WIPF3: variants seen among roughly 807,000 people sequenced by gnomAD.
WIPF3 encodes WAS/WASL-interacting protein family member 3.
In WIPF3, 33 loss-of-function variants were observed where a neutral mutation model predicts 38.9. The ratio of observed to expected loss-of-function variants is 0.85; its 90% CI spans 0.64 to 1.14. The LOEUF (loss-of-function observed/expected upper bound fraction) is 1.14. Ranked by LOEUF, WIPF3 falls within the 50% of genes most tolerant of loss-of-function variation. WIPF3 has a pLI of 0.00. For missense variants in WIPF3, 711 were observed against 652.5 expected (o/e 1.09, Z -0.98); for synonymous variants, 324 against 269.3 (o/e 1.20, Z -1.99).
At chr7:29,883,203 C>G (rs1242513116) in intron 4 of WIPF3, among the ~76,000 whole-genome samples, 1 of 152,168 alleles carries the variant, frequency 6.6e-6, no homozygotes, top group Admixed American at 6.5e-5. Flanking sequence ...AAGCCAAAAC[C>G]CTTGGGAATT....
At position 29,884,193 on chromosome 7, in the gene WIPF3, G is replaced by A. The variant is rs1466059613; in HGVS notation, c.699G>A (p.Thr233=). 1.4e-5 allele frequency: 14 copies of A among 978,778 alleles called. No individual in the cohort carries two copies. Among genetic ancestry groups the A allele is most frequent in the African/African-American group, 3.4e-5 (1 of 29,330 alleles). The allele number at this position is 978,778 out of a possible 1,614,324, so 60.6% of individuals were successfully genotyped here. ...PPPPPPPPPP[T]PPPLPPASVL... is the part of the protein sequence containing the mutation. Reference sequence around the variant, plus strand: ...CTCCACCTCCGCCACCTCCCCCAACGCCACCCCCGCTGCCCCCGGCCTCGG... The same window carrying A: ...CTCCACCTCCGCCACCTCCCCCAACACCACCCCCGCTGCCCCCGGCCTCGG... The change falls in exon 5 of 9, where the codon ACG becomes ACA. Residue 233 remains threonine, a synonymous_variant. Transcript: ENST00000242140.
intron 2 of WIPF3, among the ~76,000 whole-genome samples, chr7:29,839,211 A>G (rs1369345149): frequency 6.6e-6 from 1 of 152,226 alleles, no homozygotes; most frequent in Non-Finnish European, 1.5e-5. Flanking sequence ...GTTAAACTGT[A>G]CAAAATTATT....
chr7:29,897,071 G>A (rs1786159894), intron 7 of WIPF3, among the ~76,000 whole-genome samples: 2 of 152,316 alleles, frequency 1.3e-5, no homozygotes, highest in African/African-American at 4.8e-5. Context: ...CCTCATGTAA[G>A]TGGAATTATA....
At chr7:29,888,297 GC>G in intron 6 of WIPF3, 80 bp downstream of exon 6, 1 of 1,507,286 alleles carries the variant, frequency 6.6e-7, no homozygotes, top group Non-Finnish European at 8.9e-7. Context: ...GAGTTTGCTG[GC>G]CACAGTGCTG....
At chr7:29,896,911 C>G (rs1299466853) in intron 7 of WIPF3, among the ~76,000 whole-genome samples, 2 of 152,164 alleles carry the variant, frequency 1.3e-5, no homozygotes, top group African/African-American at 2.4e-5. Flanking sequence ...TTTAGATAAA[C>G]AAGTACCTCA....
chr7:29,812,934 C>T (rs1226155004), intron 1 of WIPF3, among the ~76,000 whole-genome samples: 2 of 152,220 alleles, frequency 1.3e-5, no homozygotes, highest in South Asian at 2.1e-4. Context: ...ATTCCTAAAT[C>T]GCTATTGTCA....
At chr7:29,830,366 C>T (rs1011901119) in intron 1 of WIPF3, among the ~76,000 whole-genome samples, 1 of 151,728 alleles carries the variant, frequency 6.6e-6, no homozygotes, top group Non-Finnish European at 1.5e-5. Context: ...AAAATGGAAG[C>T]AGGGATATAA....
Position 29,817,269 on chromosome 7 carries a change from A to G in WIPF3, c.-58+10591A>G, listed in dbSNP as rs190527778. On this transcript the variant is annotated intron_variant, in intron 1 of 8. Coordinates refer to ENST00000242140, the MANE Select transcript of WIPF3 (RefSeq NM_001080529.3). Reference sequence around the variant, plus strand: ...TTACTATAATTTTTATTTTACTGTAATTTCCCCCAGTTTATAATATGACTT... The same window carrying G: ...TTACTATAATTTTTATTTTACTGTAGTTTCCCCCAGTTTATAATATGACTT... 7.3e-3 allele frequency among the ~76,000 whole-genome samples: 1,106 copies of G among 152,170 alleles called. 3 individuals are homozygous for G. Among genetic ancestry groups the G allele is most frequent in the Non-Finnish European group, 0.011 (740 of 67,978 alleles).
intron 2 of WIPF3, among the ~76,000 whole-genome samples, chr7:29,872,476 G>A (rs748955336): frequency 2.6e-5 from 4 of 152,096 alleles, no homozygotes; most frequent in Non-Finnish European, 5.9e-5. Context: ...CACAGGAGAG[G>A]AGAGGATTGG....
At chr7:29,833,896 G>C (rs888533450) in intron 1 of WIPF3, among the ~76,000 whole-genome samples, 40 of 152,138 alleles carry the variant, frequency 2.6e-4, no homozygotes, top group Non-Finnish European at 5.7e-4. Flanking sequence ...TGGGTTCTAA[G>C]ACACATGCCC....
At position 29,884,526 on chromosome 7, in the gene WIPF3, C is replaced by T; in HGVS notation, c.1032C>T (p.Ala344=). Residue 344 remains alanine (A), a synonymous_variant, in exon 5 of 9, where the codon GCC becomes GCT. Transcript: ENST00000242140. ...CACCGCAGAAGGCCGGTGCGCAGGC[C>T]TTGCCCGCCCCGCCTGCCCCTCCGG... ...QAPPQKAGAQ[A]LPAPPAPPGS... 6.3e-7 allele frequency: 1 copy of T among 1,584,652 alleles called. No individual in the cohort carries two copies. Among genetic ancestry groups the T allele is most frequent in the South Asian group, 1.2e-5 (1 of 86,664 alleles).
At chr7:29,825,210 C>A (rs186634222) in intron 1 of WIPF3, among the ~76,000 whole-genome samples, 1 of 152,240 alleles carries the variant, frequency 6.6e-6, no homozygotes, top group East Asian at 1.9e-4. Flanking sequence ...GAATAATAAA[C>A]TCCCTTTAGC....
chr7:29,811,664 G>T (rs1340698406), intron 1 of WIPF3, among the ~76,000 whole-genome samples: 1 of 152,214 alleles, frequency 6.6e-6, no homozygotes, highest in African/African-American at 2.4e-5. Context: ...ACTCACTGTT[G>T]CCATAGAGAC....
chr7:29,832,195 A>G (rs1472684742), intron 1 of WIPF3, among the ~76,000 whole-genome samples: 1 of 152,228 alleles, frequency 6.6e-6, no homozygotes, highest in African/African-American at 2.4e-5. Context: ...AATCTTTGCT[A>G]TAAATTTTTG....
chr7:29,868,640 G>A (rs974206972), intron 2 of WIPF3, among the ~76,000 whole-genome samples: 2 of 151,746 alleles, frequency 1.3e-5, no homozygotes, highest in African/African-American at 4.8e-5. Context: ...GTTCTGAAGC[G>A]TCTACATTGT....
At chr7:29,817,297 T>C (rs1784470797) in intron 1 of WIPF3, among the ~76,000 whole-genome samples, 1 of 152,192 alleles carries the variant, frequency 6.6e-6, no homozygotes, top group Non-Finnish European at 1.5e-5. Context: ...TATGACTTAT[T>C]TTAATGTAAT....
intron 2 of WIPF3, among the ~76,000 whole-genome samples, chr7:29,837,160 C>T (rs1784817662): frequency 6.6e-6 from 1 of 152,026 alleles, no homozygotes; most frequent in Non-Finnish European, 1.5e-5. Flanking sequence ...TGGAGACCAC[C>T]CTGGCTAACA....
At chr7:29,840,712 G>A (rs180778381) in intron 2 of WIPF3, among the ~76,000 whole-genome samples, 1 of 152,322 alleles carries the variant, frequency 6.6e-6, no homozygotes, top group East Asian at 1.9e-4. Context: ...ATCACAACAG[G>A]TGGATAGGAT....
chr7:29,889,523 C>A, intron 7 of WIPF3, 116 bp downstream of exon 7: 2 of 765,830 alleles, frequency 2.6e-6, no homozygotes, highest in Non-Finnish European at 2.2e-6. Context: ...TTCACTGTAC[C>A]ACTGCAAGGA....
Sources: gnomAD v4.1 joint callset for allele counts (sites outside exome capture counted in the v4.1 genomes callset) on GRCh38, gnomAD v4.1.1 for gene constraint, MANE v1.5 for transcripts, NCBI Gene and HGNC (gene_info 2026-07-23, HGNC 2026-07-21) for gene names.